The following ATF7IP variants were observed in gnomAD, a reference collection of about 807,000 sequenced individuals.
The protein encoded by ATF7IP is activating transcription factor 7 interacting protein, also known as activating transcription factor 7-interacting protein 1.
In ATF7IP, 23 loss-of-function variants were observed where a neutral mutation model predicts 106.4. The observed-to-expected ratio is 0.22, with a 90% CI of 0.16 to 0.31. The LOEUF (loss-of-function observed/expected upper bound fraction) is 0.31. ATF7IP is among the 10% of genes least tolerant of loss of function. The probability of loss-of-function intolerance (pLI) is 1.00; values close to 1 mark genes in which losing one functional copy is unlikely to be tolerated. For missense variants in ATF7IP, 1,334 were observed against 1,524.3 expected, an observed-to-expected ratio of 0.88 and a Z score of 2.08; for synonymous variants, 542 against 539.0, an observed-to-expected ratio of 1.01 and a Z score of -0.08.
chr12:14,474,704 C>T (rs1202845329), intron 10 of ATF7IP, among the ~76,000 whole-genome samples: 3 of 152,094 alleles, frequency 2.0e-5, no homozygotes, highest in Non-Finnish European at 4.4e-5. Context: ...TGGCTTTAAA[C>T]ATATTTTTAA....
Position 14,390,579 on chromosome 12 carries a change from T to C in ATF7IP, c.-8+24752T>C, listed in dbSNP as rs540829695. 2.0e-5 allele frequency among the ~76,000 whole-genome samples: 3 copies of C among 152,352 alleles called. No homozygotes were observed. In the South Asian group the frequency reaches 6.2e-4, roughly 32 times the overall value. Reference sequence around the variant, plus strand: ...TAAAGTGTATTCAAGCTATGCAGTTTACTGAACAGATAAATGAAATAACAT... The same window carrying C: ...TAAAGTGTATTCAAGCTATGCAGTTCACTGAACAGATAAATGAAATAACAT... On this transcript the variant is annotated intron_variant, in intron 1 of 14. Transcript: ENST00000261168.
intron 1 of ATF7IP, among the ~76,000 whole-genome samples, chr12:14,373,360 G>A (rs1387487074): frequency 6.6e-6 from 1 of 152,122 alleles, no homozygotes; most frequent in Non-Finnish European, 1.5e-5. Flanking sequence ...TTTGTAAGTG[G>A]TTTTGCCTTA....
intron 1 of ATF7IP, among the ~76,000 whole-genome samples, chr12:14,407,842 T>G (rs932450689): frequency 1.3e-5 from 2 of 152,102 alleles, no homozygotes; most frequent in Non-Finnish European, 2.9e-5. Context: ...GAAAGAAGTT[T>G]GTGTTAAAAA....
chr12:14,472,131 A>G (rs1354782775), intron 10 of ATF7IP, among the ~76,000 whole-genome samples: 1 of 152,242 alleles, frequency 6.6e-6, no homozygotes, highest in Admixed American at 6.5e-5. Flanking sequence ...TTTTAAGGAC[A>G]TCTTAACTGC....
At chr12:14,410,612 A>C (rs1031870882) in intron 1 of ATF7IP, among the ~76,000 whole-genome samples, 2 of 152,194 alleles carry the variant, frequency 1.3e-5, no homozygotes, top group African/African-American at 4.8e-5. Flanking sequence ...AGAAAGAATC[A>C]TATGCTGAGG....
At chr12:14,493,599 G>A (rs1944901294) in intron 13 of ATF7IP, among the ~76,000 whole-genome samples, 1 of 152,116 alleles carries the variant, frequency 6.6e-6, no homozygotes, top group African/African-American at 2.4e-5. Flanking sequence ...TGGCAAAAAA[G>A]CTTCATCAGA....
At chr12:14,434,294 A>G (rs1382959640) in intron 2 of ATF7IP, 43 bp from the exon 3 acceptor site, 5 of 1,181,306 alleles carry the variant, frequency 4.2e-6, no homozygotes, top group African/African-American at 1.5e-5. Flanking sequence ...GCTGTTATGA[A>G]TTCTAGTAGA....
rs571680656 is a variant in ATF7IP, at chr12:14,499,860, C to T, written c.*1787C>T. Reference sequence around the variant, plus strand: ...GAATTTAAAGTATATCCTTTGAGGTCATTTTATGTAACAATTAGATATAAC... The same window carrying T: ...GAATTTAAAGTATATCCTTTGAGGTTATTTTATGTAACAATTAGATATAAC... On this transcript the variant is annotated 3_prime_UTR_variant, in exon 15 of 15. Transcript: ENST00000261168. 6.6e-6 allele frequency: 1 copy of T among 152,092 alleles called. No individual in the cohort carries two copies. The highest frequency in any genetic ancestry group is 1.5e-5 in the Non-Finnish European group (1 of 68,012). The allele number at this position is 152,092 out of a possible 1,614,324, so 9.4% of individuals were successfully genotyped here.
Position 14,478,478 on chromosome 12 carries a change from T to A in ATF7IP, c.3097+6T>A. On this transcript the variant is annotated splice_donor_region_variant and intron_variant, in intron 12 of 14. Transcript: ENST00000261168. ...CATACACTTACTACCTACAGGTAAA[T>A]TTGTTGAATCATTGAGTAGAAGCTT... The A allele has an allele frequency of 1.9e-6, 3 of 1,613,744 alleles. No homozygotes were observed. The highest frequency in any genetic ancestry group is 2.5e-6 in the Non-Finnish European group (3 of 1,179,784).
At chr12:14,423,856 A>G (rs1591830590) in intron 1 of ATF7IP, 53 bp from the exon 2 acceptor site, 2 of 1,516,964 alleles carry the variant, frequency 1.3e-6, no homozygotes, top group East Asian at 2.3e-5. Flanking sequence ...TAAGTCTACA[A>G]TTAGGTGGCT....
At chr12:14,450,532 A>C (rs937963747) in intron 6 of ATF7IP, among the ~76,000 whole-genome samples, 3 of 152,106 alleles carry the variant, frequency 2.0e-5, no homozygotes, top group South Asian at 2.1e-4. Context: ...ATGGTGTATA[A>C]TCTTTTTACA....
chr12:14,392,142 TAAC>T (rs1939589379), intron 1 of ATF7IP, among the ~76,000 whole-genome samples: 1 of 152,208 alleles, frequency 6.6e-6, no homozygotes, highest in Admixed American at 6.5e-5. Flanking sequence ...TAAATGAGGA[TAAC>T]AAATATAAAG....
chr12:14,435,991 T>C (rs981007681), intron 3 of ATF7IP, 115 bp from the exon 4 acceptor site: 1 of 1,030,844 alleles, frequency 9.7e-7, no homozygotes, highest in African/African-American at 1.6e-5. Flanking sequence ...GTTTACAAAA[T>C]AGTTGGTTGA....
Position 14,461,079 on chromosome 12 carries a change from G to T in ATF7IP, c.2743G>T (p.Ala915Ser), listed in dbSNP as rs374093724. 38 of 1,614,114 alleles carry T rather than the reference G, an allele frequency of 2.4e-5. No homozygotes were observed. Among genetic ancestry groups the T allele is most frequent in the Non-Finnish European group, 3.1e-5 (37 of 1,180,006 alleles). Residue 915 changes from alanine to serine, a missense_variant, in exon 9 of 15, where the codon GCA (alanine) becomes TCA (serine). Transcript: ENST00000261168. ...GPIQMKIPISAFSTSSAAEQN... is the reference protein window; with the variant it reads ...GPIQMKIPISSFSTSSAAEQN... ...TATACAGATGAAAATTCCAATTTCT[G>T]CATTTAGTACTTCGTCTGCTGCAGA...
At chr12:14,470,771 A>G (rs7972113) in intron 10 of ATF7IP, among the ~76,000 whole-genome samples, 136,529 of 152,222 alleles carry the variant, frequency 0.9, 61,420 homozygotes, top group East Asian at 0.96. Flanking sequence ...GTAGTTAATA[A>G]TTATGGAAAT....
chr12:14,369,866 T>C (rs1287183814), intron 1 of ATF7IP, among the ~76,000 whole-genome samples: 3 of 152,104 alleles, frequency 2.0e-5, no homozygotes, highest in Non-Finnish European at 4.4e-5. Context: ...ATATTTAACC[T>C]GGGGTCCATT....
chr12:14,443,743 G>T (rs1249967145), intron 5 of ATF7IP, among the ~76,000 whole-genome samples: 1 of 152,146 alleles, frequency 6.6e-6, no homozygotes, highest in African/African-American at 2.4e-5. Context: ...ACAGGAAAAA[G>T]AAATGAGTAA....
At chr12:14,439,053 T>C (rs1942566474) in intron 5 of ATF7IP, among the ~76,000 whole-genome samples, 3 of 152,214 alleles carry the variant, frequency 2.0e-5, no homozygotes, top group Non-Finnish European at 4.4e-5. Flanking sequence ...TTTCTACTTG[T>C]CATTTTTTAT....
At chr12:14,474,224 A>G (rs1444127112) in intron 10 of ATF7IP, among the ~76,000 whole-genome samples, 1 of 151,664 alleles carries the variant, frequency 6.6e-6, no homozygotes, top group Non-Finnish European at 1.5e-5. Flanking sequence ...CTATTGATCT[A>G]GCATCAATTT....
Sources: allele counts gnomAD v4.1 joint callset (sites outside exome capture counted in the v4.1 genomes callset), GRCh38; gene constraint gnomAD v4.1.1; transcripts MANE v1.5; gene names NCBI Gene and HGNC (gene_info 2026-07-23, HGNC 2026-07-21).